SPC25: variants seen among roughly 807,000 people sequenced by gnomAD.
The protein encoded by SPC25 is SPC25 component of NDC80 kinetochore complex.
Under a neutral mutation model 29.6 loss-of-function variants are expected in SPC25, and 22 were observed. The ratio of observed to expected loss-of-function variants is 0.74; its 90% confidence interval spans 0.53 to 1.06. The LOEUF is 1.06. Ranked by LOEUF, SPC25 falls within the 50% of genes least tolerant of loss-of-function variation. SPC25 has a pLI of 0.00. For synonymous variants in SPC25, 91 were observed against 90.4 expected (o/e 1.01, Z -0.04); for missense variants, 230 against 255.8 (o/e 0.90, Z 0.69).
At chr2:168,878,323 T>G (rs1690122837) in intron 3 of SPC25, among the ~76,000 whole-genome samples, 1 of 152,188 alleles carries the variant, frequency 6.6e-6, no homozygotes, top group Non-Finnish European at 1.5e-5. Context: ...AGTGAAGGTG[T>G]AATATTAGGA....
In SPC25 at chr2:168,871,196, G is replaced by C. The variant is rs562345746; in HGVS notation, c.*235C>G. The C allele has an allele frequency of 1.4e-5, 3 of 221,498 alleles. No individual in the cohort carries two copies. The highest frequency in any genetic ancestry group is 1.7e-5 in the Non-Finnish European group (2 of 114,356). The allele number at this position is 221,498 out of a possible 1,614,324, so 13.7% of individuals were successfully genotyped here. ...CACAGGAAGGGGAACATCACACAAC[G>C]GGGACTGTTGTGGGTTGGGGGAGGG... On this transcript the variant is annotated 3_prime_UTR_variant, in exon 7 of 7. Transcript: ENST00000282074.
At chr2:168,875,917 A>T (rs959198522) in intron 5 of SPC25, among the ~76,000 whole-genome samples, 155 bp downstream of exon 5, 17 of 152,190 alleles carry the variant, frequency 1.1e-4, no homozygotes, top group Non-Finnish European at 1.8e-4. Flanking sequence ...ATCAGTAGCT[A>T]CATTAGAATA....
intron 3 of SPC25, among the ~76,000 whole-genome samples, chr2:168,880,362 C>T (rs1468505359): frequency 6.6e-6 from 1 of 152,204 alleles, no homozygotes; most frequent in Non-Finnish European, 1.5e-5. Flanking sequence ...CAGCTGCTTT[C>T]CTTAAACCTC....
At chr2:168,868,673 G>T (rs981919731), downstream of SPC25, among the ~76,000 whole-genome samples, 1 of 152,296 alleles carries the variant, frequency 6.6e-6, no homozygotes, top group East Asian at 1.9e-4. Context: ...TTGAATCTCT[G>T]AATAGGCCAA....
chr2:168,873,479 A>G (rs1444731342), intron 6 of SPC25, 106 bp downstream of exon 6: 8 of 728,660 alleles, frequency 1.1e-5, no homozygotes, highest in Middle Eastern at 3.0e-4. Flanking sequence ...AAAGGAAGCA[A>G]TAGAGTCTGG....
intron 4 of SPC25, chr2:168,865,456 T>G (rs1689810297): frequency 6.5e-6 from 1 of 154,376 alleles, no homozygotes; most frequent in Admixed American, 6.4e-5. Context: ...AAGACACCAA[T>G]GAGATCAACC....
rs1271452424 is a variant in SPC25, at chr2:168,871,366, C to CA, written c.*64dup. The CA allele has an allele frequency of 2.9e-4, 389 of 1,321,658 alleles. 1 individual carries two copies. In the Middle Eastern group the frequency reaches 3.4e-3, roughly 12 times the overall value. The allele number at this position is 1,321,658 out of a possible 1,614,324, so 81.9% of individuals were successfully genotyped here. A position where few individuals can be genotyped will look rare whatever the true frequency, so the allele number is the denominator to read the frequency against. On this transcript the variant is annotated 3_prime_UTR_variant, in exon 7 of 7. Transcript: ENST00000282074. ...ACTTAAAGTATAATAATAATAAAAA[C>CA]AAGAAAAAAAGAGATATGTAATAGA...
intron 5 of SPC25, 136 bp from the exon 6 acceptor site, chr2:168,873,819 A>T (rs1690038913): frequency 8.1e-6 from 4 of 493,410 alleles, no homozygotes; most frequent in Non-Finnish European, 1.5e-5. Context: ...AGAAGTTACA[A>T]ATTCGTTTTA....
chr2:168,868,319 T>C (rs1222920507), downstream of SPC25, among the ~76,000 whole-genome samples: 2 of 151,812 alleles, frequency 1.3e-5, no homozygotes, highest in Admixed American at 6.6e-5. Context: ...GCAAACACAT[T>C]CAAAAGCTAG....
Position 168,877,350 on chromosome 2 carries a change from T to G in SPC25, c.234A>C (p.Lys78Asn). 6.2e-7 allele frequency: 1 copy of G among 1,613,826 alleles called. No homozygotes were observed. The highest frequency in any genetic ancestry group is 1.3e-5 in the African/African-American group (1 of 75,038). Residue 78 changes from lysine (K) to asparagine (N), a missense_variant, in exon 4 of 7, where the codon AAA becomes AAC. Lys to Asn is a moderately conservative substitution (Grantham distance 94). Coordinates refer to ENST00000282074, the MANE Select transcript of SPC25 (RefSeq NM_020675.4). ...CAATCAATTTTAACAAGTTATCCTT[T>G]TTTTCTTGAATGAGCTTATTTTGCC... ...ISRQNKLIQE[K>N]KDNLLKLIAE... is the part of the protein sequence containing the mutation.
chr2:168,878,319 G>A (rs979587048), intron 3 of SPC25, among the ~76,000 whole-genome samples: 6 of 152,158 alleles, frequency 3.9e-5, no homozygotes, highest in African/African-American at 1.4e-4. Flanking sequence ...ACATAGTGAA[G>A]GTGTAATATT....
intron 5 of SPC25, 127 bp from the exon 6 acceptor site, chr2:168,873,810 G>A: frequency 1.9e-6 from 1 of 521,704 alleles, no homozygotes; most frequent in East Asian, 2.9e-5. Flanking sequence ...TCCAAATGCA[G>A]AAGTTACAAA....
intron 6 of SPC25, among the ~76,000 whole-genome samples, chr2:168,871,955 G>A (rs1690000495): frequency 8.8e-6 from 1 of 113,136 alleles, no homozygotes; most frequent in Non-Finnish European, 1.9e-5. Context: ...TCTGACCACT[G>A]GAATTAAAAA....
At chr2:168,889,060 T>TATATATACAC (rs1559158775) in intron 3 of SPC25, among the ~76,000 whole-genome samples, 166 bp downstream of exon 3, 2 of 53,098 alleles carry the variant, frequency 3.8e-5, no homozygotes, top group African/African-American at 1.2e-4. Context: ...TATATATACA[T>TATATATACAC]ATATATATAC....
intron 3 of SPC25, among the ~76,000 whole-genome samples, chr2:168,884,422 G>A (rs891807330): frequency 2.0e-5 from 3 of 152,140 alleles, no homozygotes; most frequent in Admixed American, 1.3e-4. Flanking sequence ...TAGAATTTAT[G>A]GCTCCAGAAC....
At chr2:168,877,604 C>A (rs994215102) in intron 3 of SPC25, among the ~76,000 whole-genome samples, 1 of 152,080 alleles carries the variant, frequency 6.6e-6, no homozygotes, top group African/African-American at 2.4e-5. Flanking sequence ...AGAAAAGCTT[C>A]TTAAAATGAG....
At chr2:168,885,120 C>A (rs57245336) in intron 3 of SPC25, among the ~76,000 whole-genome samples, 24 of 152,278 alleles carry the variant, frequency 1.6e-4, no homozygotes, top group African/African-American at 5.5e-4. Flanking sequence ...ACAATAAACT[C>A]AGCATATTCA....
chr2:168,867,250 A>G (rs1176230145), downstream of SPC25, among the ~76,000 whole-genome samples: 1 of 152,216 alleles, frequency 6.6e-6, no homozygotes, highest in Non-Finnish European at 1.5e-5. Context: ...GATAGACTAG[A>G]TTAAGAAAAT....
chr2:168,863,661 T>C, intron 4 of SPC25: 2 of 871,172 alleles, frequency 2.3e-6, no homozygotes. Flanking sequence ...TACATTTCTG[T>C]GCAAAGCTGT....
Sources: allele counts gnomAD v4.1 joint callset (sites outside exome capture counted in the v4.1 genomes callset), GRCh38; gene constraint gnomAD v4.1.1; transcripts MANE v1.5; gene names NCBI Gene and HGNC (gene_info 2026-07-23, HGNC 2026-07-21).